The following CNBD1 variants were observed in gnomAD, a reference collection of about 807,000 sequenced individuals.
CNBD1 encodes the protein cyclic nucleotide binding domain containing 1.
Under a neutral mutation model 54.4 loss-of-function variants are expected in CNBD1, and 71 were observed. That is an observed-to-expected ratio of 1.30 (90% CI 1.08 to 1.59). CNBD1 has a LOEUF of 1.59. Ranked by LOEUF, CNBD1 falls within the 40% of genes most tolerant of loss-of-function variation. The pLI is 0.00. For synonymous variants in CNBD1, 182 were observed against 170.7 expected (o/e 1.07, Z -0.51); for missense variants, 659 against 518.0 (o/e 1.27, Z -2.64).
chr8:87,013,868 C>G (rs1809276542), intron 4 of CNBD1, among the ~76,000 whole-genome samples: 1 of 151,826 alleles, frequency 6.6e-6, no homozygotes, highest in South Asian at 2.1e-4. Context: ...ATTTTGCTAT[C>G]TAATCTTCAC....
intron 6 of CNBD1, among the ~76,000 whole-genome samples, chr8:87,266,059 T>C (rs1808249382): frequency 6.6e-6 from 1 of 152,056 alleles, no homozygotes; most frequent in Non-Finnish European, 1.5e-5. Flanking sequence ...AAGAACATTA[T>C]ACATTTTCTT....
At chr8:87,092,699 T>C (rs1472591946) in intron 4 of CNBD1, among the ~76,000 whole-genome samples, 1 of 152,004 alleles carries the variant, frequency 6.6e-6, no homozygotes, top group Non-Finnish European at 1.5e-5. Context: ...TATTTTACTT[T>C]TTAAAAAAAA....
At chr8:87,332,863 T>A (rs573969099) in intron 8 of CNBD1, among the ~76,000 whole-genome samples, 2 of 152,302 alleles carry the variant, frequency 1.3e-5, no homozygotes, top group East Asian at 3.9e-4. Flanking sequence ...CAGGCCGTTT[T>A]TTGGTTCCAT....
intron 6 of CNBD1, among the ~76,000 whole-genome samples, chr8:87,260,279 A>G (rs891405575): frequency 3.3e-5 from 5 of 152,182 alleles, no homozygotes; most frequent in Non-Finnish European, 5.9e-5. Context: ...TGTGGTTACA[A>G]GGTTAAGCTC....
intron 8 of CNBD1, among the ~76,000 whole-genome samples, chr8:87,327,409 G>GCC (rs1809702885): frequency 6.6e-6 from 1 of 152,022 alleles, no homozygotes; most frequent in Non-Finnish European, 1.5e-5. Flanking sequence ...CACCCTCGCT[G>GCC]CTGCCTTGCA....
chr8:87,305,180 C>G (rs1809116034), intron 8 of CNBD1, among the ~76,000 whole-genome samples: 1 of 152,056 alleles, frequency 6.6e-6, no homozygotes, highest in African/African-American at 2.4e-5. Context: ...AGAAAAAATA[C>G]TTAAGAATAT....
At chr8:86,874,477 A>G (rs557317715) in intron 1 of CNBD1, among the ~76,000 whole-genome samples, 12 of 152,266 alleles carry the variant, frequency 7.9e-5, no homozygotes, top group East Asian at 1.9e-4. Flanking sequence ...TGATTAAGGT[A>G]TTACATAGAG....
intron 10 of CNBD1, 130 bp from the exon 11 acceptor site, chr8:87,382,490 A>G (rs1811098582): frequency 1.6e-6 from 1 of 621,610 alleles, no homozygotes; most frequent in South Asian, 2.3e-5. Context: ...TGACAATATT[A>G]TTTTTTTCTT....
At chr8:86,943,107 G>C (rs995340079) in intron 4 of CNBD1, among the ~76,000 whole-genome samples, 1 of 151,556 alleles carries the variant, frequency 6.6e-6, no homozygotes, top group African/African-American at 2.4e-5. Context: ...TGCAGGCTGG[G>C]CGCAGTGGCT....
At chr8:86,902,227 A>G (rs1221326370) in intron 2 of CNBD1, among the ~76,000 whole-genome samples, 1 of 152,134 alleles carries the variant, frequency 6.6e-6, no homozygotes, top group African/African-American at 2.4e-5. Context: ...TTGTAGTTAG[A>G]GAGACTGCAT....
At chr8:87,160,882 A>G (rs1344875145) in intron 4 of CNBD1, among the ~76,000 whole-genome samples, 2 of 152,150 alleles carry the variant, frequency 1.3e-5, no homozygotes, top group Non-Finnish European at 2.9e-5. Context: ...TAAAGGTGAA[A>G]GTGGATTACA....
chr8:87,145,860 A>G (rs1386661938), intron 4 of CNBD1, among the ~76,000 whole-genome samples: 1 of 152,114 alleles, frequency 6.6e-6, no homozygotes, highest in Non-Finnish European at 1.5e-5. Context: ...CCCAATTTAT[A>G]CTTAACTGGT....
intron 6 of CNBD1, among the ~76,000 whole-genome samples, chr8:87,251,189 T>C (rs936256069): frequency 2.6e-5 from 4 of 152,094 alleles, no homozygotes; most frequent in Non-Finnish European, 5.9e-5. Context: ...AGATCATTAG[T>C]AAAATTTCAG....
intron 4 of CNBD1, among the ~76,000 whole-genome samples, chr8:87,002,099 A>G (rs1809004746): frequency 6.6e-6 from 1 of 152,194 alleles, no homozygotes; most frequent in African/African-American, 2.4e-5. Flanking sequence ...CAAATGGTTT[A>G]GGCTCCAAGT....
chr8:86,881,030 AATG>A (rs1345283170), intron 1 of CNBD1, among the ~76,000 whole-genome samples: 2 of 152,156 alleles, frequency 1.3e-5, no homozygotes, highest in Non-Finnish European at 2.9e-5. Flanking sequence ...CATACCTCAA[AATG>A]ATAAGAACCC....
At chr8:87,239,612 C>G (rs1415082741) in intron 6 of CNBD1, among the ~76,000 whole-genome samples, 1 of 152,128 alleles carries the variant, frequency 6.6e-6, no homozygotes, top group Non-Finnish European at 1.5e-5. Flanking sequence ...CACCCTCCAA[C>G]AGTTTGGTAA....
At chr8:86,981,644 A>G (rs1002654554) in intron 4 of CNBD1, among the ~76,000 whole-genome samples, 1 of 152,196 alleles carries the variant, frequency 6.6e-6, no homozygotes, top group African/African-American at 2.4e-5. Flanking sequence ...AATTTCATTT[A>G]AACAGAATCA....
intron 4 of CNBD1, among the ~76,000 whole-genome samples, chr8:87,139,153 C>A: frequency 6.6e-6 from 1 of 152,074 alleles, no homozygotes; most frequent in East Asian, 1.9e-4. Flanking sequence ...TTGTTTATTT[C>A]TTAGTTCTTT....
intron 10 of CNBD1, among the ~76,000 whole-genome samples, chr8:87,380,817 A>T (rs1412974753): frequency 6.6e-6 from 1 of 152,038 alleles, no homozygotes; most frequent in Non-Finnish European, 1.5e-5. Flanking sequence ...CTCTACAAAA[A>T]TAGCATTGGA....
Sources: allele counts gnomAD v4.1 joint callset (sites outside exome capture counted in the v4.1 genomes callset), GRCh38; gene constraint gnomAD v4.1.1; transcripts MANE v1.5; gene names NCBI Gene and HGNC (gene_info 2026-07-23, HGNC 2026-07-21).